Variants in DNAJC5B observed in about 807,000 individuals in gnomAD.
DNAJC5B encodes DnaJ heat shock protein family (Hsp40) member C5 beta.
In DNAJC5B, 23 loss-of-function variants were observed where a neutral mutation model predicts 24.7. That is an observed-to-expected ratio of 0.93 (90% confidence interval 0.67 to 1.32). DNAJC5B has a LOEUF of 1.32. DNAJC5B is among the 40% of genes most tolerant of loss of function. The pLI is 0.00. For missense variants in DNAJC5B, 238 were observed against 240.8 expected (o/e 0.99, Z 0.08); for synonymous variants, 101 against 90.1 (o/e 1.12, Z -0.68).
rs150458098 is a variant in DNAJC5B, at chr8:66,076,811, G to T, written c.271G>T (p.Ala91Ser). 4.0e-5 allele frequency: 65 copies of T among 1,614,176 alleles called. No individual in the cohort carries two copies. In the East Asian group the frequency reaches 1.4e-3, roughly 35 times the overall value. Residue 91 changes from alanine (A) to serine (S), a missense_variant, in exon 4 of 6, where the codon GCC (alanine) becomes TCC (serine). Physicochemically the swap from Ala to Ser is moderately conservative, Grantham distance 99. Transcript: ENST00000276570. Reference protein sequence around the residue: ...DKYGSLGLYVAEQFGDENVNT... With the variant: ...DKYGSLGLYVSEQFGDENVNT... ...GTACGGATCGCTGGGACTCTACGTG[G>T]CCGAGCAGTTTGGAGACGAAAACGT... is the stretch of plus-strand genomic sequence containing the variant.
chr8:66,070,456 T>C (rs1263160276), intron 3 of DNAJC5B, among the ~76,000 whole-genome samples: 1 of 152,118 alleles, frequency 6.6e-6, no homozygotes, highest in East Asian at 1.9e-4. Flanking sequence ...CCTTTCACAA[T>C]TGCTACAAAG....
At chr8:66,062,565 G>A (rs1807106682) in intron 3 of DNAJC5B, among the ~76,000 whole-genome samples, 1 of 152,192 alleles carries the variant, frequency 6.6e-6, no homozygotes, top group South Asian at 2.1e-4. Context: ...CCAAAGTGAG[G>A]CTGACTGGTT....
At chr8:66,068,691 A>G (rs75233997) in intron 3 of DNAJC5B, among the ~76,000 whole-genome samples, 4,529 of 152,206 alleles carry the variant, frequency 0.03, 84 homozygotes, top group Non-Finnish European at 0.045. Flanking sequence ...AAAAAACAAC[A>G]TGTCGATTTT....
intron 5 of DNAJC5B, among the ~76,000 whole-genome samples, chr8:66,095,800 C>A (rs939876002): frequency 6.6e-6 from 1 of 151,646 alleles, no homozygotes; most frequent in African/African-American, 2.4e-5. Flanking sequence ...AATTTTCAAT[C>A]TTGGGATTTC....
At position 66,099,928 on chromosome 8, in the gene DNAJC5B, T is replaced by G; in HGVS notation, c.506-9T>G. ...AGAGTGTTTATTGCTTTGCTTTGTT[T>G]ATTTTTAGATGTGGACTTTCCAGTT... On this transcript the variant is annotated splice_polypyrimidine_tract_variant and intron_variant, in intron 5 of 5. Coordinates refer to ENST00000276570, the MANE Select transcript of DNAJC5B (RefSeq NM_033105.6). The G allele has an allele frequency of 6.2e-7, 1 of 1,612,834 alleles. No individual in the cohort carries two copies. The highest frequency in any genetic ancestry group is 8.5e-7 in the Non-Finnish European group (1 of 1,179,072).
intron 3 of DNAJC5B, chr8:66,057,323 T>C (rs1343436265): frequency 2.6e-5 from 4 of 152,140 alleles, no homozygotes; most frequent in African/African-American, 9.7e-5. Flanking sequence ...ATGAGCTTAA[T>C]AGTACAGTGG....
chr8:66,029,012 A>G lies in DNAJC5B; in HGVS notation c.-142+7307A>G, dbSNP rs111439859. On this transcript the variant is annotated intron_variant, in intron 1 of 5. Transcript: ENST00000276570. ...CACCAGGTAGATCTGTCTGCCTTCA[A>G]TTTTCCAGCTTGCCCAATACTTTTC... 6.7e-3 allele frequency among the ~76,000 whole-genome samples: 1,014 copies of G among 152,072 alleles called. 11 individuals carry two copies. The highest frequency in any genetic ancestry group is 0.017 in the Middle Eastern group (5 of 294).
At chr8:66,041,955 A>G (rs1200043851) in intron 1 of DNAJC5B, among the ~76,000 whole-genome samples, 2 of 152,174 alleles carry the variant, frequency 1.3e-5, no homozygotes, top group Non-Finnish European at 2.9e-5. Flanking sequence ...TGCTTGGAAT[A>G]TATCTGCTAC....
Position 66,100,000 on chromosome 8 carries a change from A to T in DNAJC5B, c.569A>T (p.Glu190Val), listed in dbSNP as rs1355003511. ...AATGAGAAAACACAGCTAATCAAAG[A>T]AGGATCTCGAAGTTATTGCACAGAC... is the stretch of plus-strand genomic sequence containing the variant. ...NANEKTQLIK[E>V]GSRSYCTDS The change falls in exon 6 of 6, where the codon GAA (glutamate) becomes GTA (valine). Residue 190 changes from glutamate (E) to valine (V), a missense_variant. Glu to Val is a moderately radical substitution (Grantham distance 121). Transcript: ENST00000276570. 1 of 1,613,908 alleles carries T rather than the reference A, an allele frequency of 6.2e-7. No individual in the cohort carries two copies. The highest frequency in any genetic ancestry group is 8.5e-7 in the Non-Finnish European group (1 of 1,179,934).
chr8:66,049,052 T>C (rs1246229385), intron 2 of DNAJC5B, among the ~76,000 whole-genome samples: 1 of 152,220 alleles, frequency 6.6e-6, no homozygotes, highest in African/African-American at 2.4e-5. Context: ...TTGGATCCCA[T>C]ATTAGTCTGC....
At chr8:66,039,781 G>A (rs1473375002) in intron 1 of DNAJC5B, among the ~76,000 whole-genome samples, 3 of 152,096 alleles carry the variant, frequency 2.0e-5, no homozygotes, top group Admixed American at 2.0e-4. Context: ...TGTGATAAAG[G>A]GGGAACAATT....
upstream of DNAJC5B, among the ~76,000 whole-genome samples, chr8:66,018,605 C>T (rs1748661263): frequency 6.6e-6 from 1 of 152,146 alleles, no homozygotes; most frequent in African/African-American, 2.4e-5. Context: ...GAACTTCTGG[C>T]CTAGAGCATT....
intron 1 of DNAJC5B, among the ~76,000 whole-genome samples, chr8:66,030,117 T>C (rs1052051584): frequency 1.3e-4 from 20 of 152,168 alleles, no homozygotes; most frequent in African/African-American, 4.6e-4. Flanking sequence ...GAGCCTGTCT[T>C]CCTCCCCAAC....
chr8:66,099,063 C>CACACAA (rs1450058373), intron 5 of DNAJC5B, among the ~76,000 whole-genome samples: 5 of 151,342 alleles, frequency 3.3e-5, no homozygotes, highest in African/African-American at 1.2e-4. Flanking sequence ...CACACACACA[C>CACACAA]AACTTCTATT....
At chr8:66,051,400 CCT>C (rs1185801616) in intron 2 of DNAJC5B, 129 bp from the exon 3 acceptor site, 1 of 637,532 alleles carries the variant, frequency 1.6e-6, no homozygotes, top group African/African-American at 1.8e-5. Context: ...CCTTTTCTCC[CCT>C]CTTTTTGTAG....
intron 5 of DNAJC5B, among the ~76,000 whole-genome samples, chr8:66,090,540 T>C (rs565471579): frequency 4.7e-4 from 72 of 152,236 alleles, no homozygotes; most frequent in African/African-American, 1.6e-3. Context: ...GTGTTTTATA[T>C]TATTGACCTT....
intron 5 of DNAJC5B, among the ~76,000 whole-genome samples, chr8:66,095,873 A>G (rs1479151633): frequency 6.6e-6 from 1 of 152,130 alleles, no homozygotes; most frequent in Non-Finnish European, 1.5e-5. Context: ...TGTCAACACT[A>G]TGATACCAGT....
At chr8:66,097,534 C>T (rs1452109866) in intron 5 of DNAJC5B, among the ~76,000 whole-genome samples, 3 of 150,944 alleles carry the variant, frequency 2.0e-5, no homozygotes, top group East Asian at 1.9e-4. Context: ...GACATATTTT[C>T]TGGGTTTTTT....
At chr8:66,019,516 A>G (rs1174957448), upstream of DNAJC5B, among the ~76,000 whole-genome samples, 1 of 152,212 alleles carries the variant, frequency 6.6e-6, no homozygotes. Flanking sequence ...TAATAACATT[A>G]CTTTGTTTTC....
Sources: allele counts gnomAD v4.1 joint callset (sites outside exome capture counted in the v4.1 genomes callset), GRCh38; gene constraint gnomAD v4.1.1; transcripts MANE v1.5; gene names NCBI Gene and HGNC (gene_info 2026-07-23, HGNC 2026-07-21).